Variants in PCDH15 observed in about 807,000 individuals in gnomAD.
The protein encoded by PCDH15 is protocadherin related 15.
In PCDH15, 129 loss-of-function variants were observed where a neutral mutation model predicts 178.5. The ratio of observed to expected loss-of-function variants is 0.72; its 90% CI spans 0.63 to 0.84. The LOEUF (loss-of-function observed/expected upper bound fraction) is 0.84, where lower values mean the gene tolerates loss of function less well. PCDH15 is among the 40% of genes least tolerant of loss of function. The pLI is 0.00. For synonymous variants in PCDH15, 800 were observed against 732.0 expected (o/e 1.09, Z -1.50); for missense variants, 2,230 against 2,099.9 (o/e 1.06, Z -1.21).
chr10:55,398,677 T>C (rs1837987778), intron 2 of PCDH15, among the ~76,000 whole-genome samples: 1 of 152,176 alleles, frequency 6.6e-6, no homozygotes, highest in Non-Finnish European at 1.5e-5. Context: ...TTCATTGCAC[T>C]ACTCACCATC....
chr10:54,002,354 T>G (rs2092199972), intron 20 of PCDH15, among the ~76,000 whole-genome samples: 1 of 152,014 alleles, frequency 6.6e-6, no homozygotes, highest in East Asian at 1.9e-4. Flanking sequence ...GATCTAACAG[T>G]TACTCATAGA....
chr10:54,354,609 A>C (rs1944680224), intron 5 of PCDH15, among the ~76,000 whole-genome samples: 1 of 152,156 alleles, frequency 6.6e-6, no homozygotes, highest in Non-Finnish European at 1.5e-5. Flanking sequence ...AGGCCCAGTG[A>C]TTTTTATTCC....
chr10:54,065,756 G>T (rs2094124805), intron 18 of PCDH15, among the ~76,000 whole-genome samples: 1 of 152,156 alleles, frequency 6.6e-6, no homozygotes, highest in South Asian at 2.1e-4. Context: ...AGGAAAAAAT[G>T]ACTTTTAAAA....
At chr10:55,405,879 G>T (rs1161535845) in intron 2 of PCDH15, among the ~76,000 whole-genome samples, 1 of 150,792 alleles carries the variant, frequency 6.6e-6, no homozygotes, top group Admixed American at 6.6e-5. Flanking sequence ...GCTTACAAAT[G>T]TTATGCAAAA....
At chr10:54,014,566 G>A (rs2660142) in intron 20 of PCDH15, among the ~76,000 whole-genome samples, 115,263 of 152,024 alleles carry the variant, frequency 0.76, 43,924 homozygotes, top group Middle Eastern at 0.86. Flanking sequence ...ATCCACCACA[G>A]TCAAGTAGGT....
intron 3 of PCDH15, among the ~76,000 whole-genome samples, chr10:54,509,250 T>C (rs1025573141): frequency 5.3e-5 from 8 of 151,968 alleles, no homozygotes; most frequent in African/African-American, 1.9e-4. Flanking sequence ...AGGGACCCAG[T>C]GGGAGATAAT....
intron 2 of PCDH15, among the ~76,000 whole-genome samples, chr10:54,921,398 A>G (rs890472796): frequency 6.6e-6 from 1 of 151,920 alleles, no homozygotes; most frequent in Non-Finnish European, 1.5e-5. Flanking sequence ...TCATGTCCCA[A>G]GGGTTTGTTG....
chr10:55,053,494 T>A (rs1030478450), intron 2 of PCDH15, among the ~76,000 whole-genome samples: 2 of 152,208 alleles, frequency 1.3e-5, no homozygotes, highest in African/African-American at 4.8e-5. Context: ...AAAGTGTCTT[T>A]ATTAAGAGAA....
intron 2 of PCDH15, among the ~76,000 whole-genome samples, chr10:55,601,992 T>C (rs973504087): frequency 5.3e-5 from 8 of 151,968 alleles, no homozygotes; most frequent in Non-Finnish European, 7.4e-5. Flanking sequence ...TTCATCTCAC[T>C]AGGGAGTGCC....
Position 55,414,770 on chromosome 10 carries a change from G to GGTGT in PCDH15, c.-156+212851_-156+212854dup, listed in dbSNP as rs71014486. ...AATTCATATATTATTTCTAACAAGG[G>GGTGT]GTGTGTGTGTGTGTGTGTGTGTGTG... On this transcript the variant is annotated intron_variant, in intron 2 of 5. Transcript: ENST00000613346. Among the ~76,000 whole-genome samples the GGTGT allele has an allele frequency of 9.8e-3, 1,445 of 146,952 alleles. 26 individuals carry two copies. The highest frequency in any genetic ancestry group is 0.032 in the African/African-American group (1,284 of 40,026).
chr10:54,052,943 C>A (rs2093810429), intron 18 of PCDH15, among the ~76,000 whole-genome samples: 1 of 152,148 alleles, frequency 6.6e-6, no homozygotes, highest in Admixed American at 6.5e-5. Context: ...CGCTCTGAAC[C>A]TCTCCTGCCC....
chr10:54,204,335 A>G (rs1410601047), intron 10 of PCDH15, among the ~76,000 whole-genome samples: 1 of 134,614 alleles, frequency 7.4e-6, no homozygotes, highest in East Asian at 2.3e-4. Flanking sequence ...TCAACATTTA[A>G]TCCAATTATA....
chr10:54,204,669 C>G (rs1236391555), intron 10 of PCDH15, among the ~76,000 whole-genome samples: 2 of 152,120 alleles, frequency 1.3e-5, no homozygotes, highest in African/African-American at 4.8e-5. Context: ...CCTCTCCTAT[C>G]ACAGTAAACT....
chr10:54,645,604 A>C (rs1412615141), intron 2 of PCDH15, among the ~76,000 whole-genome samples: 6 of 152,144 alleles, frequency 3.9e-5, no homozygotes, highest in Non-Finnish European at 8.8e-5. Context: ...ATGGACAGAA[A>C]TTTGTAAGAA....
At chr10:54,971,321 G>A (rs966441866) in intron 2 of PCDH15, among the ~76,000 whole-genome samples, 1 of 152,026 alleles carries the variant, frequency 6.6e-6, no homozygotes, top group Non-Finnish European at 1.5e-5. Flanking sequence ...GAACTGGATG[G>A]GTCCTTTTGT....
chr10:55,553,889 G>C (rs114285466), intron 2 of PCDH15, among the ~76,000 whole-genome samples: 2,449 of 151,826 alleles, frequency 0.016, 65 homozygotes, highest in African/African-American at 0.056. Flanking sequence ...ACTATAAAAG[G>C]CACTGAAAAA....
intron 6 of PCDH15, among the ~76,000 whole-genome samples, chr10:54,340,407 A>C (rs1942009475): frequency 6.6e-6 from 1 of 152,198 alleles, no homozygotes. Flanking sequence ...TCCAGGCAAG[A>C]AAAGTACACC....
intron 1 of PCDH15, among the ~76,000 whole-genome samples, chr10:54,707,397 C>G (rs1419982199): frequency 1.3e-5 from 2 of 152,072 alleles, no homozygotes; most frequent in Non-Finnish European, 2.9e-5. Flanking sequence ...GATATATTTT[C>G]CATTGGAAGT....
intron 29 of PCDH15, among the ~76,000 whole-genome samples, chr10:53,832,348 G>T (rs1203957881): frequency 6.6e-6 from 1 of 151,908 alleles, no homozygotes; most frequent in African/African-American, 2.4e-5. Flanking sequence ...ATCATAATTA[G>T]CAGGTGATTT....
Sources: gnomAD v4.1 joint callset for allele counts (sites outside exome capture counted in the v4.1 genomes callset) on GRCh38, gnomAD v4.1.1 for gene constraint, MANE v1.5 for transcripts, NCBI Gene and HGNC (gene_info 2026-07-23, HGNC 2026-07-21) for gene names.